Variants in ERN2 observed in about 807,000 individuals in gnomAD.
ERN2 encodes the protein serine/threonine-protein kinase/endoribonuclease IRE2.
ERN2 carries 111 observed loss-of-function variants against 107.9 expected under a neutral mutation model. The ratio of observed to expected loss-of-function variants is 1.03; its 90% CI spans 0.88 to 1.20. The LOEUF (loss-of-function observed/expected upper bound fraction) is 1.20, where lower values mean the gene tolerates loss of function less well. Among genes scored for constraint, ERN2 ranks in the 50% most tolerant of loss-of-function variants. The pLI is 0.00. For missense variants in ERN2, 1,225 were observed against 1,197.9 expected (o/e 1.02, Z -0.33); for synonymous variants, 524 against 501.7 (o/e 1.04, Z -0.59).
Position 23,706,942 on chromosome 16 carries a change from G to A in ERN2, c.379+65C>T, listed in dbSNP as rs556516036. On this transcript the variant is annotated intron_variant, in intron 5 of 21. Coordinates refer to ENST00000256797, the MANE Select transcript of ERN2 (RefSeq NM_033266.4). ...CCGCCACTCTTGTGCCTAATTAGCC[G>A]TCACGACTTAGATCCCTGCCTCTGC... 51 of 1,578,094 alleles carry A rather than the reference G, an allele frequency of 3.2e-5. No homozygotes were observed. The Admixed American group carries it at 5.3e-4, about 17-fold the overall frequency.
intron 13 of ERN2, among the ~76,000 whole-genome samples, chr16:23,698,998 C>T (rs574243148): frequency 6.6e-6 from 1 of 152,258 alleles, no homozygotes; most frequent in East Asian, 1.9e-4. Context: ...AGATGGAGTC[C>T]TGGTTGTCCA....
chr16:23,692,438 T>TG, intron 17 of ERN2, 107 bp from the exon 18 acceptor site: 1 of 1,218,648 alleles, frequency 8.2e-7, no homozygotes, highest in Non-Finnish European at 1.2e-6. Context: ...TGGCTCAGAC[T>TG]GGAACTCAAG....
At chr16:23,709,456 C>T (rs187111029) in intron 4 of ERN2, 3 of 234,174 alleles carry the variant, frequency 1.3e-5, no homozygotes, top group South Asian at 9.5e-5. Context: ...GTTTTCAGCT[C>T]CTTCCATAAA....
rs761868353 is a variant in ERN2, at chr16:23,692,351, C to T, written c.2101-20G>A. On this transcript the variant is annotated intron_variant, in intron 17 of 21. Transcript: ENST00000256797. Reference sequence around the variant, plus strand: ...GCTGGTCTGGAGCCAGAGAGATGGGCATGAGAAGGAAATCTCTGCTTCCAG... The same window carrying T: ...GCTGGTCTGGAGCCAGAGAGATGGGTATGAGAAGGAAATCTCTGCTTCCAG... 5 of 1,608,800 alleles carry T rather than the reference C, an allele frequency of 3.1e-6. No homozygotes were observed. In the African/African-American group the frequency reaches 5.3e-5, roughly 17 times the overall value.
Position 23,692,018 on chromosome 16 carries a change from TG to T in ERN2, c.2320del (p.Gln774ArgfsTer35), listed in dbSNP as rs1567242682. 5.0e-6 allele frequency: 8 copies of T among 1,613,752 alleles called. No individual in the cohort carries two copies. The highest frequency in any genetic ancestry group is 5.9e-6 in the Non-Finnish European group (7 of 1,179,926). On this transcript the variant is annotated frameshift_variant, in exon 19 of 22. Transcript: ENST00000256797. LOFTEE classifies it high-confidence loss of function. ...CCAAAAGAAGGGGTGGGCCAGCACCTGGGGGGCAGAGGGGCGTGGCTGCGGC... is the reference window on the plus strand; with the variant it reads ...CCAAAAGAAGGGGTGGGCCAGCACCTGGGGGCAGAGGGGCGTGGCTGCGGC... Reference protein sequence around the residue: ...PLPQPRPSAPQVLAHPFFWSR... With the variant: ...PLPQPRPSAPXVLAHPFFWSR...
rs754700967 is a variant in ERN2, at chr16:23,694,842, G to A, written c.1986C>T (p.Gly662=). Reference sequence around the variant, plus strand: ...GGCCAGCAGGCAGCTTCTTGCAGAGGCCGAAGTCTGAGAGCACCACTCTGC... The same window carrying A: ...GGCCAGCAGGCAGCTTCTTGCAGAGACCGAAGTCTGAGAGCACCACTCTGC... ...GLGRVVLSDF[G]LCKKLPAGRC... Residue 662 remains glycine, a synonymous_variant, in exon 17 of 22, where the codon GGC becomes GGT. Coordinates refer to ENST00000256797, the MANE Select transcript of ERN2 (RefSeq NM_033266.4). 6 of 1,614,188 alleles carry A rather than the reference G, an allele frequency of 3.7e-6. No homozygotes were observed. The highest frequency in any genetic ancestry group is 4.2e-6 in the Non-Finnish European group (5 of 1,180,028).
intron 4 of ERN2, among the ~76,000 whole-genome samples, chr16:23,707,829 A>G (rs1960382657): frequency 2.0e-5 from 3 of 152,240 alleles, no homozygotes; most frequent in African/African-American, 7.2e-5. Flanking sequence ...GTCAACAGCC[A>G]TGAGAGACTC....
intron 1 of ERN2, chr16:23,712,810 C>A (rs1960596093): frequency 7.4e-6 from 3 of 404,360 alleles, no homozygotes; most frequent in Admixed American, 4.6e-5. Flanking sequence ...CCAGGTGCCC[C>A]CCTACCCCAG....
chr16:23,690,885 G>C lies in ERN2; in HGVS notation c.2727C>G (p.Tyr909Ter). The change falls in exon 22 of 22, where the codon TAC (tyrosine) becomes TAG (stop). Residue 909 changes from tyrosine (Y) to a stop codon, truncating the protein, a stop_gained. Transcript: ENST00000256797. LOFTEE classifies it low-confidence loss of function (END_TRUNC). Reference protein sequence around the residue: ...SCASESLFLPYYPPDSEARRP... With the variant: ...SCASESLFLP ...TCCTGGCCTCTGAGTCTGGCGGGTAGTAGGGCAGGAAGAGGCTCTCAGAGG... is the reference window on the plus strand; with the variant it reads ...TCCTGGCCTCTGAGTCTGGCGGGTACTAGGGCAGGAAGAGGCTCTCAGAGG... 1 of 1,613,990 alleles carries C rather than the reference G, an allele frequency of 6.2e-7. No individual in the cohort carries two copies. The highest frequency in any genetic ancestry group is 8.5e-7 in the Non-Finnish European group (1 of 1,180,046).
chr16:23,690,475 G>A lies in ERN2; in HGVS notation c.*356C>T, dbSNP rs1035389064. On this transcript the variant is annotated 3_prime_UTR_variant, in exon 22 of 22. Transcript: ENST00000256797. ...CTGCCAGTCTTGTGGGGGAAAGGGG[G>A]TGACAGTGTCTCTCTGTGGACCAGG... 4 of 460,434 alleles carry A rather than the reference G, an allele frequency of 8.7e-6. No homozygotes were observed. The highest frequency in any genetic ancestry group is 1.2e-5 in the Non-Finnish European group (3 of 250,608). The allele number at this position is 460,434 out of a possible 1,614,324, so 28.5% of individuals were successfully genotyped here.
Position 23,701,187 on chromosome 16 carries a change from G to T in ERN2, c.1204-73C>A, listed in dbSNP as rs907845423. ...ACCCCTAACTTTTCTTCATCACCCA[G>T]CACAGAGCTGGGCTTAGCTGAAGGG... On this transcript the variant is annotated intron_variant, in intron 11 of 21. Coordinates refer to ENST00000256797, the MANE Select transcript of ERN2 (RefSeq NM_033266.4). 98 of 1,510,208 alleles carry T rather than the reference G, an allele frequency of 6.5e-5. No individual in the cohort carries two copies. In the South Asian group the frequency reaches 1.2e-3, roughly 18 times the overall value. 93.6% of individuals were successfully genotyped at this position (1,510,208 alleles called of 1,614,324 possible). A position where few individuals can be genotyped will look rare whatever the true frequency, so the allele number is the denominator to read the frequency against.
At chr16:23,700,262 A>G (rs981466423) in intron 13 of ERN2, among the ~76,000 whole-genome samples, 7 of 152,202 alleles carry the variant, frequency 4.6e-5, no homozygotes, top group African/African-American at 1.7e-4. Context: ...TCTTGAGCCC[A>G]GGAGCTTGAG....
intron 13 of ERN2, among the ~76,000 whole-genome samples, chr16:23,698,254 T>C (rs986570762): frequency 7.9e-5 from 12 of 152,344 alleles, no homozygotes; most frequent in African/African-American, 2.9e-4. Context: ...ACCCCTGAGC[T>C]GCCACTTATT....
At chr16:23,696,476 G>A (rs1172503495) in intron 13 of ERN2, among the ~76,000 whole-genome samples, 1 of 152,212 alleles carries the variant, frequency 6.6e-6, no homozygotes, top group Non-Finnish European at 1.5e-5. Context: ...GGTAAGGTGA[G>A]TTCTGGCAGT....
chr16:23,695,122 A>G lies in ERN2; in HGVS notation c.1801-4T>C. The G allele has an allele frequency of 1.2e-6, 2 of 1,613,996 alleles. 1 individual carries two copies. On this transcript the variant is annotated splice_polypyrimidine_tract_variant and splice_region_variant and intron_variant, in intron 15 of 21. Coordinates refer to ENST00000256797, the MANE Select transcript of ERN2 (RefSeq NM_033266.4). ...CCAGGTCCGGGTTTTCTACGTACTG[A>G]GCAGCAGCAAGGGCCAAAGCATCAC...
In ERN2 at chr16:23,695,281, G is replaced by T. The variant is rs141819288; in HGVS notation, c.1719C>A (p.Asn573Lys). ...GCTCGGTGCAGAAGTAGCGGAGCAC[G>T]TTGGGGTGCCTGTCAGACTCCTGCA... ...QLLQESDRHP[N>K]VLRYFCTERG... The change falls in exon 15 of 22, where the codon AAC (asparagine) becomes AAA (lysine). Residue 573 changes from asparagine to lysine, a missense_variant. By Grantham distance (94) the Asn-to-Lys change is moderately conservative (BLOSUM62 0). Coordinates refer to ENST00000256797, the MANE Select transcript of ERN2 (RefSeq NM_033266.4). The T allele has an allele frequency of 5.5e-4, 886 of 1,614,096 alleles. 1 individual carries two copies. The highest frequency in any genetic ancestry group is 6.9e-4 in the Non-Finnish European group (817 of 1,180,018).
chr16:23,699,191 G>C (rs116672391), intron 13 of ERN2, among the ~76,000 whole-genome samples: 1 of 152,144 alleles, frequency 6.6e-6, no homozygotes, highest in Non-Finnish European at 1.5e-5. Flanking sequence ...CTGAGGAAGG[G>C]GAGCTGTTTT....
chr16:23,706,118 G>A, intron 7 of ERN2: 1 of 506,002 alleles, frequency 2.0e-6, no homozygotes, highest in Non-Finnish European at 3.5e-6. Context: ...GAGTTAGGAG[G>A]TTGAGGGATT....
At chr16:23,706,613 T>C in intron 6 of ERN2, 141 bp downstream of exon 6, 2 of 746,364 alleles carry the variant, frequency 2.7e-6, no homozygotes, top group East Asian at 2.5e-5. Flanking sequence ...TCCTGGCTCC[T>C]AGTTCAGTGC....
Sources: allele counts gnomAD v4.1 joint callset (sites outside exome capture counted in the v4.1 genomes callset), GRCh38; gene constraint gnomAD v4.1.1; transcripts MANE v1.5; gene names NCBI Gene and HGNC (gene_info 2026-07-23, HGNC 2026-07-21).